The following ATP2B4 variants were observed in gnomAD, a reference collection of about 807,000 sequenced individuals.
The protein encoded by ATP2B4 is ATPase plasma membrane Ca2+ transporting 4.
A neutral mutation model predicts 110.3 loss-of-function variants in ATP2B4; 39 were observed. That is an observed-to-expected ratio of 0.35 (90% confidence interval 0.27 to 0.46). The LOEUF is 0.46. Among genes scored for constraint, ATP2B4 ranks in the 20% least tolerant of loss-of-function variants. The probability of loss-of-function intolerance (pLI) is 1.00; values close to 1 mark genes in which losing one functional copy is unlikely to be tolerated. For synonymous variants in ATP2B4, 538 were observed against 571.7 expected (o/e 0.94, Z 0.84); for missense variants, 1,135 against 1,530.9 (o/e 0.74, Z 4.32).
intron 1 of ATP2B4, among the ~76,000 whole-genome samples, chr1:203,641,409 T>A (rs1443197514): frequency 6.6e-6 from 1 of 152,088 alleles, no homozygotes; most frequent in Non-Finnish European, 1.5e-5. Context: ...GAGCAGACAT[T>A]TCTAGAGGGA....
In ATP2B4 at chr1:203,712,127, C is replaced by T. The variant is rs2229565; in HGVS notation, c.2199C>T (p.Asn733=). The T allele has an allele frequency of 0.011, 18,189 of 1,613,824 alleles. 629 individuals are homozygous for T. The highest frequency in any genetic ancestry group is 0.081 in the East Asian group (3,641 of 44,864). Residue 733 remains asparagine (N), a synonymous_variant, in exon 13 of 21, where the codon AAC becomes AAT. Transcript: ENST00000357681. ...EGKEFNRLIR[N]EKGEVEQEKL... is the part of the protein sequence containing the mutation. ...AAGAATTCAACCGGCTCATCCGCAA[C>T]GAGAAAGGCGAGGTGGGTCCTGGCT... is the stretch of plus-strand genomic sequence containing the variant.
In ATP2B4 at chr1:203,627,031, G is replaced by C. The variant is rs1225222451; in HGVS notation, c.-653G>C. 6.6e-6 allele frequency: 1 copy of C among 152,332 alleles called. No homozygotes were observed. Among genetic ancestry groups the C allele is most frequent in the Admixed American group, 6.5e-5 (1 of 15,284 alleles). 9.4% of individuals were successfully genotyped at this position (152,332 alleles called of 1,614,324 possible). On this transcript the variant is annotated 5_prime_UTR_variant, in exon 1 of 21. Coordinates refer to ENST00000357681, the MANE Select transcript of ATP2B4 (RefSeq NM_001684.5). ...AACCTGAGAGGTCCTTCCCATTGGAGGGGCAGGGGGAGGAGACCCAGCCCA... is the reference window on the plus strand; with the variant it reads ...AACCTGAGAGGTCCTTCCCATTGGACGGGCAGGGGGAGGAGACCCAGCCCA...
At chr1:203,672,436 C>A (rs1664701527) in intron 1 of ATP2B4, among the ~76,000 whole-genome samples, 1 of 145,684 alleles carries the variant, frequency 6.9e-6, no homozygotes, top group South Asian at 2.2e-4. Context: ...ATTACAGGCA[C>A]ATAAATAGCT....
At position 203,739,971 on chromosome 1, in the gene ATP2B4, T is replaced by A; in HGVS notation, c.*117T>A. On this transcript the variant is annotated 3_prime_UTR_variant, in exon 21 of 21. Coordinates refer to ENST00000357681, the MANE Select transcript of ATP2B4 (RefSeq NM_001684.5). ...GTCAGCTGCTGTGTTAACAGCAGTG[T>A]GTGTGAAGTGAACCTCTACCTGACC... The A allele has an allele frequency of 8.9e-7, 1 of 1,122,856 alleles. No homozygotes were observed. The highest frequency in any genetic ancestry group is 1.6e-5 in the South Asian group (1 of 61,646). The allele number at this position is 1,122,856 out of a possible 1,614,324, so 69.6% of individuals were successfully genotyped here. A position where few individuals can be genotyped will look rare whatever the true frequency, so the allele number is the denominator to read the frequency against.
At chr1:203,698,668 G>A (rs182568574) in intron 3 of ATP2B4, among the ~76,000 whole-genome samples, 1,697 of 151,172 alleles carry the variant, frequency 0.011, 32 homozygotes, top group African/African-American at 0.039. Context: ...TATTTTAATG[G>A]AATCTTGCTC....
chr1:203,712,630 T>C (rs2102402188), intron 13 of ATP2B4, among the ~76,000 whole-genome samples: 1 of 151,710 alleles, frequency 6.6e-6, no homozygotes, highest in Middle Eastern at 3.4e-3. Flanking sequence ...TGCTTGTGAA[T>C]GAAGCTTGCT....
chr1:203,642,259 A>C (rs886354522), intron 1 of ATP2B4, among the ~76,000 whole-genome samples: 2 of 151,748 alleles, frequency 1.3e-5, no homozygotes, highest in Admixed American at 6.6e-5. Flanking sequence ...TTAAAAAAAA[A>C]TTTTTTTTAG....
chr1:203,657,120 A>C, intron 1 of ATP2B4: 1 of 821,856 alleles, frequency 1.2e-6, no homozygotes, highest in Non-Finnish European at 2.1e-6. Context: ...TAACACCCAC[A>C]GTTGTATACG....
At chr1:203,627,835 C>T (rs1663134694) in intron 1 of ATP2B4, among the ~76,000 whole-genome samples, 1 of 152,170 alleles carries the variant, frequency 6.6e-6, no homozygotes, top group Admixed American at 6.5e-5. Context: ...TTTAGCTTTG[C>T]AGAGAAACCT....
chr1:203,739,450 G>A, intron 20 of ATP2B4, 96 bp from the exon 21 acceptor site: 1 of 1,255,770 alleles, frequency 8.0e-7, no homozygotes, highest in Non-Finnish European at 1.1e-6. Context: ...TTATAGTCTG[G>A]GTTTTGTTTC....
intron 12 of ATP2B4, 25 bp downstream of exon 12, chr1:203,711,133 G>T (rs773692248): frequency 1.0e-5 from 16 of 1,605,656 alleles, no homozygotes; most frequent in Middle Eastern, 3.3e-4. Flanking sequence ...AGCCACCCAG[G>T]AGTCTCAGGA....
At chr1:203,710,120 C>A (rs1205744883) in intron 11 of ATP2B4, among the ~76,000 whole-genome samples, 2 of 152,114 alleles carry the variant, frequency 1.3e-5, no homozygotes, top group African/African-American at 4.8e-5. Flanking sequence ...GTAATCCCAG[C>A]ACTTTGGGAG....
At chr1:203,630,747 A>G (rs1663243806) in intron 1 of ATP2B4, among the ~76,000 whole-genome samples, 1 of 152,090 alleles carries the variant, frequency 6.6e-6, no homozygotes, top group Non-Finnish European at 1.5e-5. Context: ...CTGTCATCCC[A>G]GTGGGTATTT....
chr1:203,723,847 C>T (rs1666422190), intron 18 of ATP2B4, 34 bp from the exon 19 acceptor site: 1 of 1,541,234 alleles, frequency 6.5e-7, no homozygotes, highest in Middle Eastern at 1.7e-4. Context: ...TTAGTCATTT[C>T]CTTGATGGTG....
intron 9 of ATP2B4, 151 bp from the exon 10 acceptor site, chr1:203,707,711 A>G: frequency 9.0e-7 from 1 of 1,110,950 alleles, no homozygotes; most frequent in Non-Finnish European, 1.3e-6. Context: ...AATTACAGGC[A>G]TGAATCACTG....
At chr1:203,639,070 G>A (rs1022711738) in intron 1 of ATP2B4, among the ~76,000 whole-genome samples, 1 of 152,122 alleles carries the variant, frequency 6.6e-6, no homozygotes, top group Non-Finnish European at 1.5e-5. Context: ...TTGGCCCTAC[G>A]CTTTCCTCAG....
At chr1:203,706,454 G>A (rs138905069) in intron 8 of ATP2B4, among the ~76,000 whole-genome samples, 2,009 of 152,316 alleles carry the variant, frequency 0.013, 20 homozygotes, top group Non-Finnish European at 0.021. Flanking sequence ...TATGTGTGCC[G>A]TGACAAGAGA....
At chr1:203,687,150 G>A (rs879857383) in intron 2 of ATP2B4, among the ~76,000 whole-genome samples, 6 of 151,732 alleles carry the variant, frequency 4.0e-5, no homozygotes, top group Non-Finnish European at 8.8e-5. Flanking sequence ...GGGAGACGGT[G>A]TTGGAAAACA....
rs563479656 is a variant in ATP2B4 at position 203,693,832 on chromosome 1, G to A, written c.194-4325G>A. Among the ~76,000 whole-genome samples the A allele has an allele frequency of 6.6e-5, 10 of 152,302 alleles. No individual in the cohort carries two copies. The South Asian group carries it at 2.1e-3, about 32-fold the overall frequency. On this transcript the variant is annotated intron_variant, in intron 2 of 20. Coordinates refer to ENST00000357681, the MANE Select transcript of ATP2B4 (RefSeq NM_001684.5). Reference sequence around the variant, plus strand: ...CCCGGTTTGCCCGGGACTGAGCGGGGTTCCCAGGAGGCAGAAACTTCAGTG... The same window carrying A: ...CCCGGTTTGCCCGGGACTGAGCGGGATTCCCAGGAGGCAGAAACTTCAGTG...
Sources: gnomAD v4.1 joint callset for allele counts (sites outside exome capture counted in the v4.1 genomes callset) on GRCh38, gnomAD v4.1.1 for gene constraint, MANE v1.5 for transcripts, NCBI Gene and HGNC (gene_info 2026-07-23, HGNC 2026-07-21) for gene names.